Variants in CEP128 observed in about 807,000 individuals in gnomAD.
CEP128 encodes centrosomal protein 128kDa.
In CEP128, 132 loss-of-function variants were observed where a neutral mutation model predicts 156.7. The ratio of observed to expected loss-of-function variants is 0.84; its 90% CI spans 0.73 to 0.97. The LOEUF is 0.97. Ranked by LOEUF, CEP128 falls within the 50% of genes least tolerant of loss-of-function variation. The probability of loss-of-function intolerance (pLI) is 0.00; values close to 1 mark genes in which losing one functional copy is unlikely to be tolerated. For missense variants in CEP128, 1,252 were observed against 1,281.9 expected (o/e 0.98, Z 0.36); for synonymous variants, 469 against 448.9 (o/e 1.04, Z -0.57).
Position 80,958,178 on chromosome 14 carries a change from G to A in CEP128, c.-172C>T, listed in dbSNP as rs560628854. ...TAACAATTATATTGTGTTTACTTAC[G>A]GGGGCGGGGGGTCCTGTTCTCAGCG... On this transcript the variant is annotated splice_region_variant and 5_prime_UTR_variant, in exon 2 of 8. Coordinates refer to the CEP128 transcript ENST00000555529. 3 of 152,174 alleles carry A rather than the reference G, an allele frequency of 2.0e-5. No individual in the cohort carries two copies. The South Asian group carries it at 6.2e-4, about 32-fold the overall frequency. 9.4% of individuals were successfully genotyped at this position (152,174 alleles called of 1,614,324 possible).
intron 8 of CEP128, among the ~76,000 whole-genome samples, chr14:80,885,651 T>C (rs955140955): frequency 7.2e-5 from 11 of 152,008 alleles, no homozygotes; most frequent in African/African-American, 2.7e-4. Flanking sequence ...CAAAGGTAGA[T>C]AAATCCATGA....
chr14:80,804,706 T>G (rs777496370), intron 13 of CEP128, among the ~76,000 whole-genome samples: 36 of 152,124 alleles, frequency 2.4e-4, no homozygotes, highest in Non-Finnish European at 4.3e-4. Flanking sequence ...GAAATCAGAC[T>G]GAGTTCTAGC....
chr14:80,533,203 T>C (rs77456457), intron 21 of CEP128, among the ~76,000 whole-genome samples: 30,319 of 152,116 alleles, frequency 0.2, 3,975 homozygotes, highest in Non-Finnish European at 0.3. Flanking sequence ...CTTAGGAATT[T>C]ATTGACTCTT....
At chr14:80,779,970 AT>A (rs1901016709) in intron 15 of CEP128, among the ~76,000 whole-genome samples, 2 of 152,230 alleles carry the variant, frequency 1.3e-5, no homozygotes. Context: ...CCAATCCTGC[AT>A]CTTCTGAATC....
chr14:80,817,051 A>G (rs1041005255), intron 13 of CEP128, among the ~76,000 whole-genome samples: 2 of 152,230 alleles, frequency 1.3e-5, no homozygotes, highest in East Asian at 3.8e-4. Context: ...TAGACCAACC[A>G]AAGCTTAATG....
At chr14:80,565,422 G>A (rs756293000) in intron 20 of CEP128, among the ~76,000 whole-genome samples, 2 of 152,078 alleles carry the variant, frequency 1.3e-5, no homozygotes, top group African/African-American at 2.4e-5. Context: ...TCTGGTCCCC[G>A]AATGCTTGGG....
intron 1 of CEP128, among the ~76,000 whole-genome samples, chr14:80,941,346 G>C (rs1176908417): frequency 1.3e-5 from 2 of 152,264 alleles, no homozygotes; most frequent in Non-Finnish European, 2.9e-5. Flanking sequence ...GATTCGCTGG[G>C]TAACCTGGCC....
intron 19 of CEP128, among the ~76,000 whole-genome samples, chr14:80,652,806 A>T (rs1423362116): frequency 6.6e-6 from 1 of 152,206 alleles, no homozygotes; most frequent in Non-Finnish European, 1.5e-5. Flanking sequence ...CTAGAATTAG[A>T]AATACCATTT....
At chr14:80,843,075 T>C (rs1035488945) in intron 9 of CEP128, among the ~76,000 whole-genome samples, 3 of 151,474 alleles carry the variant, frequency 2.0e-5, no homozygotes, top group Non-Finnish European at 3.0e-5. Context: ...TTTCAGAGAG[T>C]AGTAAAAAGG....
At chr14:80,689,624 TAA>T (rs1896649712) in intron 19 of CEP128, among the ~76,000 whole-genome samples, 1 of 152,160 alleles carries the variant, frequency 6.6e-6, no homozygotes, top group African/African-American at 2.4e-5. Flanking sequence ...ATATACACAT[TAA>T]AAAGACATTA....
chr14:80,821,287 G>C (rs941490108), intron 13 of CEP128, among the ~76,000 whole-genome samples: 1 of 152,012 alleles, frequency 6.6e-6, no homozygotes, highest in African/African-American at 2.4e-5. Context: ...CTAAAGATAA[G>C]GAAACTAAAA....
chr14:80,591,839 A>T (rs1224854133), intron 19 of CEP128, among the ~76,000 whole-genome samples: 1 of 152,262 alleles, frequency 6.6e-6, no homozygotes, highest in Non-Finnish European at 1.5e-5. Context: ...ATTAGAACTC[A>T]GGATTAAGAA....
chr14:80,761,988 A>T (rs974621885), intron 16 of CEP128, among the ~76,000 whole-genome samples: 5 of 152,162 alleles, frequency 3.3e-5, no homozygotes, highest in Admixed American at 2.6e-4. Context: ...CATTAGTAAA[A>T]CACCAGAAAA....
At chr14:80,873,425 C>G (rs1888126154) in intron 8 of CEP128, among the ~76,000 whole-genome samples, 1 of 152,060 alleles carries the variant, frequency 6.6e-6, no homozygotes, top group Non-Finnish European at 1.5e-5. Flanking sequence ...TGAAAGAAAT[C>G]CAAATAAAAT....
At chr14:80,626,570 T>C (rs1297187370) in intron 19 of CEP128, among the ~76,000 whole-genome samples, 2 of 146,558 alleles carry the variant, frequency 1.4e-5, no homozygotes, top group Non-Finnish European at 3.0e-5. Flanking sequence ...GGAGTGAGAA[T>C]GGAGGAAGGG....
At chr14:80,593,441 T>C (rs1009488297) in intron 19 of CEP128, among the ~76,000 whole-genome samples, 1 of 149,916 alleles carries the variant, frequency 6.7e-6, no homozygotes, top group East Asian at 2.0e-4. Flanking sequence ...CTCGGGTGAC[T>C]GAGGCAGGAG....
At chr14:80,709,623 T>C (rs1036596911) in intron 19 of CEP128, among the ~76,000 whole-genome samples, 6 of 152,164 alleles carry the variant, frequency 3.9e-5, no homozygotes, top group African/African-American at 9.7e-5. Context: ...ATATAAAAAA[T>C]AACTTAGAAA....
At chr14:80,793,493 T>C (rs1403941711) in intron 13 of CEP128, among the ~76,000 whole-genome samples, 2 of 152,170 alleles carry the variant, frequency 1.3e-5, no homozygotes, top group South Asian at 2.1e-4. Flanking sequence ...AGAGAACTAT[T>C]AGTAGCAATC....
chr14:80,833,577 T>A (rs948892287), intron 12 of CEP128, among the ~76,000 whole-genome samples: 4 of 151,672 alleles, frequency 2.6e-5, no homozygotes, highest in African/African-American at 7.3e-5. Flanking sequence ...AAAAAAAAAA[T>A]TGGAGTCTGC....
Sources: allele counts gnomAD v4.1 joint callset (sites outside exome capture counted in the v4.1 genomes callset), GRCh38; gene constraint gnomAD v4.1.1; transcripts MANE v1.5; gene names NCBI Gene and HGNC (gene_info 2026-07-23, HGNC 2026-07-21).